Variants in PHF21B observed in about 807,000 individuals in gnomAD.
PHF21B encodes the protein PHD finger protein 4.
PHF21B carries 22 observed loss-of-function variants against 62.2 expected under a neutral mutation model. The observed-to-expected ratio is 0.35, with a 90% CI of 0.25 to 0.51. PHF21B has a LOEUF of 0.51. Among genes scored for constraint, PHF21B ranks in the 20% least tolerant of loss-of-function variants. The probability of loss-of-function intolerance (pLI) is 0.97; values close to 1 mark genes in which losing one functional copy is unlikely to be tolerated. For synonymous variants in PHF21B, 341 were observed against 314.7 expected, an observed-to-expected ratio of 1.08 and a Z score of -0.88; for missense variants, 701 against 707.9, an observed-to-expected ratio of 0.99 and a Z score of 0.11.
chr22:44,994,311 T>G (rs1046575772), intron 2 of PHF21B, among the ~76,000 whole-genome samples: 6 of 152,214 alleles, frequency 3.9e-5, no homozygotes, highest in Non-Finnish European at 7.3e-5. Flanking sequence ...ATCCCATGAC[T>G]GGCGAGCTTA....
intron 2 of PHF21B, among the ~76,000 whole-genome samples, chr22:44,973,474 C>G (rs2072677193): frequency 6.6e-6 from 1 of 152,174 alleles, no homozygotes; most frequent in South Asian, 2.1e-4. Context: ...ACAGTGAGGA[C>G]AGGCTGCTGG....
rs573540807 is a variant in PHF21B, at chr22:44,932,000, C to T, written c.121-11510G>A. ...GGAGGGACATCTCTAAGCTGCGTCC[C>T]CCAGGAAGGAAGGAAGGCAGGGCAC... On this transcript the variant is annotated intron_variant, in intron 2 of 12. Coordinates refer to ENST00000313237, the MANE Select transcript of PHF21B (RefSeq NM_138415.5). Among the ~76,000 whole-genome samples, 412 of 152,272 alleles carry T rather than the reference C, an allele frequency of 2.7e-3. 2 individuals carry two copies. Among genetic ancestry groups the T allele is most frequent in the Non-Finnish European group, 4.4e-3 (298 of 68,022 alleles).
chr22:44,994,165 G>A (rs2073083691), intron 2 of PHF21B, among the ~76,000 whole-genome samples: 1 of 152,212 alleles, frequency 6.6e-6, no homozygotes, highest in Non-Finnish European at 1.5e-5. Context: ...TTCAGCTGGT[G>A]GAGATACTGG....
intron 5 of PHF21B, among the ~76,000 whole-genome samples, chr22:44,896,883 T>TTGTTTTTTTTTTG (rs1555933179): frequency 1.5e-5 from 2 of 132,322 alleles, no homozygotes; most frequent in Non-Finnish European, 3.2e-5. Context: ...TTTATCTGTT[T>TTGTTTTTTTTTTG]TTTTTTTTTT....
chr22:44,913,261 C>CA (rs2071376530), intron 5 of PHF21B, among the ~76,000 whole-genome samples: 1 of 152,330 alleles, frequency 6.6e-6, no homozygotes, highest in African/African-American at 2.4e-5. Context: ...GCTACTTCTA[C>CA]AGTGCCCAGG....
intron 3 of PHF21B, among the ~76,000 whole-genome samples, chr22:44,919,758 G>A (rs755371006): frequency 9.2e-5 from 14 of 152,232 alleles, no homozygotes; most frequent in Admixed American, 7.2e-4. Flanking sequence ...TACCAGGCAC[G>A]GTTACAAATG....
chr22:44,927,878 G>A (rs1208360692), intron 2 of PHF21B, among the ~76,000 whole-genome samples: 1 of 152,108 alleles, frequency 6.6e-6, no homozygotes, highest in Non-Finnish European at 1.5e-5. Flanking sequence ...ACAGCTCCAA[G>A]CATTTTAATA....
chr22:45,006,641 T>A (rs939796065), intron 2 of PHF21B, among the ~76,000 whole-genome samples: 9 of 152,070 alleles, frequency 5.9e-5, no homozygotes, highest in Non-Finnish European at 1.2e-4. Context: ...AAACCCAAGC[T>A]CAGAAGAGTC....
At chr22:44,903,982 AT>A (rs1342821122) in intron 5 of PHF21B, among the ~76,000 whole-genome samples, 1 of 151,982 alleles carries the variant, frequency 6.6e-6, no homozygotes, top group African/African-American at 2.4e-5. Context: ...CTTTATTTGT[AT>A]TTTCAGTGTA....
intron 2 of PHF21B, among the ~76,000 whole-genome samples, chr22:44,977,746 T>C (rs954639121): frequency 3.7e-5 from 5 of 133,864 alleles, no homozygotes; most frequent in African/African-American, 1.3e-4. Flanking sequence ...ACCCAGCTCA[T>C]TTTTCATTTT....
At chr22:44,909,351 A>G (rs1185151145) in intron 5 of PHF21B, among the ~76,000 whole-genome samples, 1 of 152,244 alleles carries the variant, frequency 6.6e-6, no homozygotes, top group African/African-American at 2.4e-5. Flanking sequence ...CAGAAGGGTC[A>G]TCATGGGAGT....
At chr22:44,914,249 T>C (rs2071397198) in intron 4 of PHF21B, among the ~76,000 whole-genome samples, 161 bp from the exon 5 acceptor site, 1 of 152,064 alleles carries the variant, frequency 6.6e-6, no homozygotes, top group Non-Finnish European at 1.5e-5. Flanking sequence ...CGCCCCTGTC[T>C]GTCTAGCACC....
chr22:44,911,553 A>G (rs552316932), intron 5 of PHF21B, among the ~76,000 whole-genome samples: 1 of 152,358 alleles, frequency 6.6e-6, no homozygotes, highest in Non-Finnish European at 1.5e-5. Flanking sequence ...CTGTTGCTTC[A>G]GAGGGTGGAA....
chr22:45,005,985 T>C (rs2073307188), intron 2 of PHF21B, among the ~76,000 whole-genome samples: 1 of 152,166 alleles, frequency 6.6e-6, no homozygotes, highest in Admixed American at 6.5e-5. Flanking sequence ...CTCCAAAGGC[T>C]TGTTCATCGA....
intron 5 of PHF21B, chr22:44,902,142 T>C (rs1236568496): frequency 6.5e-5 from 14 of 214,322 alleles, no homozygotes; most frequent in Non-Finnish European, 1.4e-4. Flanking sequence ...AAATTTGCCA[T>C]TGCCACCTCA....
intron 2 of PHF21B, among the ~76,000 whole-genome samples, chr22:44,988,019 G>A (rs1028291201): frequency 2.6e-5 from 4 of 152,238 alleles, no homozygotes; most frequent in Admixed American, 1.3e-4. Context: ...CAACCAGTAA[G>A]AATGACTAAC....
Position 45,009,712 on chromosome 22 carries a change from G to T in PHF21B, c.-163C>A. The T allele has an allele frequency of 1.7e-6, 1 of 603,168 alleles. No homozygotes were observed. Among genetic ancestry groups the T allele is most frequent in the Non-Finnish European group, 2.6e-6 (1 of 379,744 alleles). The allele number at this position is 603,168 out of a possible 1,614,324, so 37.4% of individuals were successfully genotyped here. The stretch of plus-strand genomic sequence containing the variant: ...ACGGCCGAAAGGGAAGGGGGCTGGC[G>T]AAGGGGAAGACAGGCTTCCGGGCGC... On this transcript the variant is annotated 5_prime_UTR_variant, in exon 1 of 13. Coordinates refer to ENST00000313237, the MANE Select transcript of PHF21B (RefSeq NM_138415.5). This position sits in a 1 kb window ranked among gnomAD's most constrained non-coding sequence, Gnocchi z 5.9.
At chr22:44,978,105 T>C (rs1488453898) in intron 2 of PHF21B, among the ~76,000 whole-genome samples, 1 of 152,116 alleles carries the variant, frequency 6.6e-6, no homozygotes, top group Non-Finnish European at 1.5e-5. Context: ...CTGCTAGGAT[T>C]TTCAGGCCTC....
chr22:44,971,297 A>T (rs1230531086), intron 2 of PHF21B: 1 of 152,124 alleles, frequency 6.6e-6, no homozygotes, highest in African/African-American at 2.4e-5. Context: ...CTGACAAGGT[A>T]TCTTTGGGTT....
Sources: gnomAD v4.1 joint callset for allele counts (sites outside exome capture counted in the v4.1 genomes callset) on GRCh38, gnomAD v4.1.1 for gene constraint, Gnocchi (gnomAD v3.1) non-coding constraint, MANE v1.5 for transcripts, NCBI Gene and HGNC (gene_info 2026-07-23, HGNC 2026-07-21) for gene names.